RAB11FIP4: variants seen among roughly 807,000 people sequenced by gnomAD.
RAB11FIP4 encodes RAB11 family interacting protein 4.
A neutral mutation model predicts 74.3 loss-of-function variants in RAB11FIP4; 23 were observed. The observed-to-expected ratio is 0.31, with a 90% CI of 0.22 to 0.44. The LOEUF (loss-of-function observed/expected upper bound fraction) is 0.44. Among genes scored for constraint, RAB11FIP4 ranks in the 20% least tolerant of loss-of-function variants. RAB11FIP4 has a pLI of 1.00. For synonymous variants in RAB11FIP4, 360 were observed against 359.9 expected (o/e 1.00, Z 0.00); for missense variants, 630 against 863.9 (o/e 0.73, Z 3.39).
chr17:31,397,965 C>G (rs2070946300), intron 1 of RAB11FIP4, among the ~76,000 whole-genome samples: 1 of 151,780 alleles, frequency 6.6e-6, no homozygotes, highest in Non-Finnish European at 1.5e-5. Flanking sequence ...GCCTCGAGCT[C>G]TTGGGCTCAA....
Position 31,490,835 on chromosome 17 carries a change from G to A in RAB11FIP4, c.337-26816G>A, listed in dbSNP as rs117665266. Among the ~76,000 whole-genome samples the A allele has an allele frequency of 4.7e-3, 719 of 152,364 alleles. 3 individuals are homozygous for A. Among genetic ancestry groups the A allele is most frequent in the Non-Finnish European group, 7.0e-3 (473 of 68,044 alleles). On this transcript the variant is annotated intron_variant, in intron 3 of 14. Coordinates refer to ENST00000621161, the MANE Select transcript of RAB11FIP4 (RefSeq NM_032932.6). ...CCTTCCCAAAGCGCTGGGACTACAG[G>A]CATGAGCCACCACACCCAGCTGAAG...
chr17:31,438,648 A>G (rs2071382255), intron 3 of RAB11FIP4, among the ~76,000 whole-genome samples: 2 of 151,208 alleles, frequency 1.3e-5, no homozygotes, highest in African/African-American at 4.9e-5. Flanking sequence ...CCTACCCACT[A>G]CTCTAGCCTC....
At chr17:31,468,360 T>TGG (rs2071705475) in intron 3 of RAB11FIP4, among the ~76,000 whole-genome samples, 1 of 152,004 alleles carries the variant, frequency 6.6e-6, no homozygotes, top group Non-Finnish European at 1.5e-5. Flanking sequence ...TGGGGCAGAG[T>TGG]GGAGAGGGCT....
At chr17:31,403,505 G>A (rs1219280527) in intron 1 of RAB11FIP4, among the ~76,000 whole-genome samples, 1 of 151,938 alleles carries the variant, frequency 6.6e-6, no homozygotes, top group African/African-American at 2.4e-5. Flanking sequence ...TGTATTTTTA[G>A]TAGAAACGGG....
intron 3 of RAB11FIP4, among the ~76,000 whole-genome samples, chr17:31,493,211 G>A (rs1315288407): frequency 6.6e-6 from 1 of 152,180 alleles, no homozygotes; most frequent in Non-Finnish European, 1.5e-5. Context: ...CCAGACAAGT[G>A]GGTTCTTTCC....
At chr17:31,513,840 G>A (rs551527409) in intron 3 of RAB11FIP4, among the ~76,000 whole-genome samples, 16 of 152,224 alleles carry the variant, frequency 1.1e-4, no homozygotes, top group South Asian at 8.3e-4. Flanking sequence ...TGTGTCAGCC[G>A]GGTGTCAGGT....
intron 3 of RAB11FIP4, among the ~76,000 whole-genome samples, chr17:31,459,532 T>G (rs1287857628): frequency 6.6e-6 from 1 of 152,062 alleles, no homozygotes; most frequent in African/African-American, 2.4e-5. Flanking sequence ...ATAAAGCATT[T>G]GTTGAATAAA....
chr17:31,494,988 AAGGGGAG>A (rs2072086421), intron 3 of RAB11FIP4, among the ~76,000 whole-genome samples: 1 of 152,178 alleles, frequency 6.6e-6, no homozygotes, highest in Non-Finnish European at 1.5e-5. Flanking sequence ...CTGGCCTGCC[AAGGGGAG>A]GATGGCCCTC....
chr17:31,456,355 C>T (rs1308980271), intron 3 of RAB11FIP4, among the ~76,000 whole-genome samples: 6 of 152,216 alleles, frequency 3.9e-5, no homozygotes, highest in Middle Eastern at 3.4e-3. Context: ...TACACACATG[C>T]GGCACCACTC....
At chr17:31,518,891 G>A (rs1023862666) in intron 4 of RAB11FIP4, among the ~76,000 whole-genome samples, 1 of 151,804 alleles carries the variant, frequency 6.6e-6, no homozygotes, top group African/African-American at 2.4e-5. Context: ...GGAGTGCAGT[G>A]GCATGATCTC....
intron 3 of RAB11FIP4, among the ~76,000 whole-genome samples, chr17:31,502,371 G>T (rs147129421): frequency 0.024 from 3,675 of 151,752 alleles, 139 homozygotes; most frequent in African/African-American, 0.084. Flanking sequence ...TTGAGGTCAG[G>T]AGTTCAAGAC....
At chr17:31,515,659 T>G (rs2072532785) in intron 3 of RAB11FIP4, among the ~76,000 whole-genome samples, 1 of 152,114 alleles carries the variant, frequency 6.6e-6, no homozygotes, top group Admixed American at 6.5e-5. Flanking sequence ...GTCTCGGGAC[T>G]GCAGGGTCCT....
chr17:31,445,558 ATATATATATATATATATATATT>A (rs2071448493), intron 3 of RAB11FIP4, among the ~76,000 whole-genome samples: 7 of 13,760 alleles, frequency 5.1e-4, no homozygotes, highest in Admixed American at 2.1e-3. Context: ...ATATATATAT[ATATATATATATATATATATATT>A]TTTTTTTTTT....
rs190116096 is a variant in RAB11FIP4, at chr17:31,521,476, C to G, written c.758+116C>G. The G allele has an allele frequency of 2.7e-4, 245 of 918,850 alleles. 1 individual carries two copies. The East Asian group carries it at 6.7e-3, about 25-fold the overall frequency. The allele number at this position is 918,850 out of a possible 1,614,324, so 56.9% of individuals were successfully genotyped here. ...GCTGGCCCTTTTCCTTTGTCCTCAG[C>G]TACTTGAGTTCTGCTCCTGGGGCTT... On this transcript the variant is annotated intron_variant, in intron 5 of 14. Coordinates refer to ENST00000621161, the MANE Select transcript of RAB11FIP4 (RefSeq NM_032932.6).
Position 31,525,474 on chromosome 17 carries a change from A to G in RAB11FIP4, c.1274+244A>G, listed in dbSNP as rs2072749152. The G allele has an allele frequency of 9.4e-6, 5 of 529,460 alleles. No individual in the cohort carries two copies. In the South Asian group the frequency reaches 9.9e-5, roughly 11 times the overall value. 32.8% of individuals were successfully genotyped at this position (529,460 alleles called of 1,614,324 possible). On this transcript the variant is annotated intron_variant, in intron 10 of 14. Coordinates refer to ENST00000621161, the MANE Select transcript of RAB11FIP4 (RefSeq NM_032932.6). The stretch of plus-strand genomic sequence containing the variant: ...ACATTTGGTAATGCAAACCACACAA[A>G]TGTCTGTCAGAGAAAAGGGCCTGGG...
intron 4 of RAB11FIP4, among the ~76,000 whole-genome samples, chr17:31,519,045 C>T (rs564531411): frequency 5.0e-4 from 58 of 116,534 alleles, no homozygotes; most frequent in Non-Finnish European, 5.8e-4. Context: ...GACGGAGTCT[C>T]GCTCTGTCGC....
intron 1 of RAB11FIP4, among the ~76,000 whole-genome samples, chr17:31,402,258 C>T (rs1040252341): frequency 1.3e-5 from 2 of 152,138 alleles, no homozygotes; most frequent in African/African-American, 4.8e-5. Context: ...TCCTGAGTAT[C>T]AGTCATGCAA....
intron 3 of RAB11FIP4, among the ~76,000 whole-genome samples, chr17:31,440,789 A>AT (rs199985208): frequency 3.3e-5 from 5 of 152,192 alleles, no homozygotes; most frequent in African/African-American, 9.6e-5. Flanking sequence ...ACAAAAACAA[A>AT]TAAAAAAAAC....
chr17:31,454,690 C>G (rs991349662), intron 3 of RAB11FIP4, among the ~76,000 whole-genome samples: 2 of 152,096 alleles, frequency 1.3e-5, no homozygotes, highest in Non-Finnish European at 2.9e-5. Context: ...TCAAGACCAT[C>G]CTGGCCAACA....
Sources: gnomAD v4.1 joint callset for allele counts (sites outside exome capture counted in the v4.1 genomes callset) on GRCh38, gnomAD v4.1.1 for gene constraint, MANE v1.5 for transcripts, NCBI Gene and HGNC (gene_info 2026-07-23, HGNC 2026-07-21) for gene names.